HMCN1: variants seen among roughly 807,000 people sequenced by gnomAD.
HMCN1 encodes hemicentin 1, also known as hemicentin-1.
In HMCN1, 321 loss-of-function variants were observed where a neutral mutation model predicts 625.9. That is an observed-to-expected ratio of 0.51 (90% CI 0.47 to 0.56). HMCN1 has a LOEUF of 0.56. Ranked by LOEUF, HMCN1 falls within the 20% of genes least tolerant of loss-of-function variation. HMCN1 has a pLI of 0.00. For missense variants in HMCN1, 6,588 were observed against 6,887.3 expected (o/e 0.96, Z 1.54); for synonymous variants, 2,425 against 2,417.6 (o/e 1.00, Z -0.09).
Position 185,888,458 on chromosome 1 carries a change from T to C in HMCN1, c.622-20879T>C, listed in dbSNP as rs1426811730. Among the ~76,000 whole-genome samples the C allele has an allele frequency of 1.7e-4, 24 of 143,376 alleles. 1 individual carries two copies. 94.1% of individuals were successfully genotyped at this position (143,376 alleles called of 152,430 possible). A position where few individuals can be genotyped will look rare whatever the true frequency, so the allele number is the denominator to read the frequency against. ...TGGTTTTAGGTCTAATGTTTAAGTC[T>C]TTAATCCATCTTGAATTAATTTTTG... On this transcript the variant is annotated intron_variant, in intron 4 of 106. Coordinates refer to ENST00000271588, the MANE Select transcript of HMCN1 (RefSeq NM_031935.3).
intron 83 of HMCN1, among the ~76,000 whole-genome samples, chr1:186,129,497 A>G (rs1571393535): frequency 6.6e-6 from 1 of 152,068 alleles, no homozygotes; most frequent in African/African-American, 2.4e-5. Context: ...CCTAAGTAGC[A>G]TACGTTTTCA....
At chr1:185,819,677 T>TA (rs1332957818) in intron 1 of HMCN1, among the ~76,000 whole-genome samples, 1 of 152,186 alleles carries the variant, frequency 6.6e-6, no homozygotes, top group African/African-American at 2.4e-5. Flanking sequence ...ATATTTTACT[T>TA]AAAAAAGTCA....
intron 29 of HMCN1, among the ~76,000 whole-genome samples, chr1:186,005,772 C>T (rs1653587255): frequency 6.6e-6 from 1 of 152,112 alleles, no homozygotes; most frequent in Non-Finnish European, 1.5e-5. Flanking sequence ...GTTACTTGCA[C>T]AATTGACAAT....
intron 105 of HMCN1, 87 bp downstream of exon 105, chr1:186,182,374 C>G (rs1238287123): frequency 8.8e-6 from 13 of 1,479,892 alleles, no homozygotes; most frequent in African/African-American, 1.4e-5. Context: ...TAATCATTCT[C>G]CTAGTGGCTT....
intron 19 of HMCN1, among the ~76,000 whole-genome samples, chr1:185,984,806 C>G (rs536249206): frequency 6.6e-6 from 1 of 152,202 alleles, no homozygotes; most frequent in Admixed American, 6.5e-5. Flanking sequence ...TAAGAAGATC[C>G]AGAAGCAATC....
At chr1:186,156,725 T>C (rs1369627421) in intron 97 of HMCN1, among the ~76,000 whole-genome samples, 3 of 152,124 alleles carry the variant, frequency 2.0e-5, no homozygotes, top group Admixed American at 6.6e-5. Context: ...AATAGAAAAA[T>C]ATTAAATATC....
At chr1:185,951,250 T>C (rs1668650833) in intron 11 of HMCN1, among the ~76,000 whole-genome samples, 1 of 150,960 alleles carries the variant, frequency 6.6e-6, no homozygotes, top group South Asian at 2.1e-4. Context: ...GCAGATAATT[T>C]AGTTAAGGTG....
At chr1:185,939,667 G>T (rs768443354) in intron 11 of HMCN1, among the ~76,000 whole-genome samples, 2 of 151,998 alleles carry the variant, frequency 1.3e-5, no homozygotes, top group African/African-American at 2.4e-5. Context: ...TTTCTTAAAT[G>T]CTCATGTTAA....
At chr1:185,816,348 G>T (rs1410891992) in intron 1 of HMCN1, among the ~76,000 whole-genome samples, 1 of 152,130 alleles carries the variant, frequency 6.6e-6, no homozygotes, top group Non-Finnish European at 1.5e-5. Context: ...TTGTACTTTG[G>T]GGATGTTTGT....
chr1:185,781,731 G>C (rs542642040), intron 1 of HMCN1, among the ~76,000 whole-genome samples: 3 of 152,106 alleles, frequency 2.0e-5, no homozygotes, highest in Admixed American at 2.0e-4. Flanking sequence ...TATACTTTCC[G>C]TTCTTTTACA....
chr1:185,804,044 T>G (rs1204726109), intron 1 of HMCN1, among the ~76,000 whole-genome samples: 1 of 152,080 alleles, frequency 6.6e-6, no homozygotes, highest in Admixed American at 6.6e-5. Context: ...AAAGAGACAT[T>G]TTTTTAAATT....
intron 1 of HMCN1, among the ~76,000 whole-genome samples, chr1:185,775,230 A>G (rs1318727530): frequency 1.3e-5 from 2 of 152,146 alleles, no homozygotes. Flanking sequence ...AAAAACTTCA[A>G]GAATAAGTAA....
chr1:186,166,392 C>T, intron 99 of HMCN1, 89 bp downstream of exon 99: 4 of 1,498,688 alleles, frequency 2.7e-6, no homozygotes, highest in South Asian at 2.3e-5. Flanking sequence ...TATCTTCTTT[C>T]CTACTACTTC....
chr1:186,092,487 C>T (rs932620402), intron 64 of HMCN1, among the ~76,000 whole-genome samples: 4 of 151,806 alleles, frequency 2.6e-5, no homozygotes, highest in Non-Finnish European at 4.4e-5. Context: ...CTGTAGATGG[C>T]AATTTAATCT....
chr1:185,765,416 T>C (rs987573424), intron 1 of HMCN1, among the ~76,000 whole-genome samples: 17 of 152,212 alleles, frequency 1.1e-4, no homozygotes, highest in African/African-American at 3.6e-4. Flanking sequence ...ATGATTTATT[T>C]AAGATGGGTG....
At chr1:185,935,603 AT>A (rs141652269) in intron 11 of HMCN1, among the ~76,000 whole-genome samples, 4,770 of 152,258 alleles carry the variant, frequency 0.031, 259 homozygotes, top group African/African-American at 0.11. Context: ...ATATAAAAAA[AT>A]ATGACAGTAC....
chr1:186,042,207 T>C (rs748701782), intron 40 of HMCN1, among the ~76,000 whole-genome samples: 1 of 152,156 alleles, frequency 6.6e-6, no homozygotes. Flanking sequence ...CCAGATTTGC[T>C]TAGGTGTCTG....
chr1:186,095,022 A>T (rs1275270107), intron 67 of HMCN1, among the ~76,000 whole-genome samples: 1 of 152,186 alleles, frequency 6.6e-6, no homozygotes, highest in African/African-American at 2.4e-5. Flanking sequence ...GCGTTCTGTA[A>T]GAAAACAATT....
chr1:186,181,887 A>C (rs1025920983), intron 104 of HMCN1, among the ~76,000 whole-genome samples: 8 of 152,294 alleles, frequency 5.3e-5, no homozygotes, highest in Non-Finnish European at 7.4e-5. Flanking sequence ...TTACTTAAGT[A>C]ATATAAAAAT....
Sources: gnomAD v4.1 joint callset for allele counts (sites outside exome capture counted in the v4.1 genomes callset) on GRCh38, gnomAD v4.1.1 for gene constraint, MANE v1.5 for transcripts, NCBI Gene and HGNC (gene_info 2026-07-23, HGNC 2026-07-21) for gene names.